PLAA: variants seen among roughly 807,000 people sequenced by gnomAD.
The protein encoded by PLAA is phospholipase A2 activating protein.
Under a neutral mutation model 84.1 loss-of-function variants are expected in PLAA, and 48 were observed. The ratio of observed to expected loss-of-function variants is 0.57; its 90% CI spans 0.45 to 0.73. The LOEUF (loss-of-function observed/expected upper bound fraction) is 0.73, where lower values mean the gene tolerates loss of function less well. Among genes scored for constraint, PLAA ranks in the 30% least tolerant of loss-of-function variants. PLAA has a pLI of 0.00. For synonymous variants in PLAA, 392 were observed against 336.6 expected (o/e 1.16, Z -1.80); for missense variants, 903 against 954.7 (o/e 0.95, Z 0.71).
intron 13 of PLAA, 87 bp downstream of exon 13, chr9:26,907,747 T>C: frequency 8.3e-7 from 1 of 1,209,172 alleles, no homozygotes; most frequent in Non-Finnish European, 1.2e-6. Context: ...TTAACTTTCA[T>C]TTAATCCACA....
intron 8 of PLAA, 47 bp downstream of exon 8, chr9:26,920,180 G>A: frequency 1.3e-6 from 2 of 1,509,714 alleles, no homozygotes; most frequent in Non-Finnish European, 1.8e-6. Flanking sequence ...CCTTTAATTT[G>A]CCTAATATTT....
intron 13 of PLAA, 177 bp downstream of exon 13, chr9:26,907,657 C>T (rs1461783992): frequency 5.5e-6 from 3 of 543,158 alleles, no homozygotes; most frequent in Admixed American, 4.0e-5. Context: ...AGGCATGTAA[C>T]GGAAACAAGA....
Position 26,945,280 on chromosome 9 carries a change from G to A in PLAA, c.149+1617C>T, listed in dbSNP as rs141803943. ...GTACAGTCCCAAAAGTTTAATGACA[G>A]GATTCCATTATTAAAACAGGCATCC... is the stretch of plus-strand genomic sequence containing the variant. On this transcript the variant is annotated intron_variant, in intron 1 of 13. Transcript: ENST00000397292. Among the ~76,000 whole-genome samples the A allele has an allele frequency of 3.1e-3, 475 of 152,278 alleles. 7 individuals carry two copies. The highest frequency in any genetic ancestry group is 0.028 in the Admixed American group (421 of 15,294).
At chr9:26,915,857 G>A (rs1441366445) in intron 10 of PLAA, 1 of 985,324 alleles carries the variant, frequency 1.0e-6, no homozygotes, top group South Asian at 4.7e-5. Context: ...CAGAAAAAAA[G>A]CCGCCAAAGT....
rs539628104 is a variant in PLAA, at chr9:26,912,350, G to A, written c.1555+1529C>T. ...TGACACCAGCCAGTATGGCTGGACA[G>A]AAGAAAGGCAATGAGGAATGTGGGG... On this transcript the variant is annotated intron_variant, in intron 11 of 13. Transcript: ENST00000397292. Among the ~76,000 whole-genome samples, 34 of 152,300 alleles carry A rather than the reference G, an allele frequency of 2.2e-4. No individual in the cohort carries two copies. In the Middle Eastern group the frequency reaches 0.02, roughly 91 times the overall value.
intron 5 of PLAA, 93 bp from the exon 6 acceptor site, chr9:26,926,053 CAG>C (rs1192884696): frequency 5.3e-6 from 5 of 951,050 alleles, no homozygotes; most frequent in Non-Finnish European, 7.8e-6. Context: ...TTTTGAAACC[CAG>C]AGACTTTCAA....
intron 2 of PLAA, among the ~76,000 whole-genome samples, chr9:26,933,141 G>A (rs1222969787): frequency 1.3e-5 from 2 of 152,052 alleles, no homozygotes; most frequent in African/African-American, 2.4e-5. Context: ...GGTGGCGCGC[G>A]CCTGTAGTCC....
Position 26,913,885 on chromosome 9 carries a change from A to G in PLAA, c.1549T>C (p.Phe517Leu), listed in dbSNP as rs1438160394. 2 of 1,607,678 alleles carry G rather than the reference A, an allele frequency of 1.2e-6. No homozygotes were observed. Among genetic ancestry groups the G allele is most frequent in the Non-Finnish European group, 8.5e-7 (1 of 1,174,698 alleles). The change falls in exon 11 of 14, where the codon TTT (phenylalanine) becomes CTT (leucine). Residue 517 changes from phenylalanine to leucine, a missense_variant. Transcript: ENST00000397292. ...MGTTMAGVDP[F>L]TGNSAYRSAA... ...AGAAATAAAAAGTATGTACCTGTAA[A>G]TGGATCAACTCCGGCCATGGTAGTT...
chr9:26,940,808 T>G (rs147737314), intron 1 of PLAA, among the ~76,000 whole-genome samples: 1 of 152,220 alleles, frequency 6.6e-6, no homozygotes, highest in Non-Finnish European at 1.5e-5. Flanking sequence ...CAAAGAAAGA[T>G]ACCTGGTAGT....
Position 26,908,047 on chromosome 9 carries a change from G to C in PLAA, c.1658-49C>G, listed in dbSNP as rs752446743. ...AAAATTCTCTAACTGTAATTGGCCAGATAATATATAAATGCCAAGACTTTC... is the reference window on the plus strand; with the variant it reads ...AAAATTCTCTAACTGTAATTGGCCACATAATATATAAATGCCAAGACTTTC... On this transcript the variant is annotated intron_variant, in intron 12 of 13. Coordinates refer to ENST00000397292, the MANE Select transcript of PLAA (RefSeq NM_001031689.3). 3.6e-6 allele frequency: 5 copies of C among 1,407,404 alleles called. No individual in the cohort carries two copies. In the East Asian group the frequency reaches 9.2e-5, roughly 26 times the overall value. 87.2% of individuals were successfully genotyped at this position (1,407,404 alleles called of 1,614,324 possible). A position where few individuals can be genotyped will look rare whatever the true frequency, so the allele number is the denominator to read the frequency against.
chr9:26,910,618 TATA>T (rs569924358), intron 11 of PLAA, among the ~76,000 whole-genome samples, 179 bp from the exon 12 acceptor site: 1 of 140,818 alleles, frequency 7.1e-6, no homozygotes, highest in South Asian at 2.1e-4. Flanking sequence ...TATTTATTGA[TATA>T]ATATTTTTTG....
chr9:26,919,991 T>G (rs1446520815), intron 8 of PLAA, among the ~76,000 whole-genome samples: 1 of 152,194 alleles, frequency 6.6e-6, no homozygotes, highest in African/African-American at 2.4e-5. Flanking sequence ...AGCTTTTGTA[T>G]AGAAACTACT....
chr9:26,944,012 T>C (rs1825616504), intron 1 of PLAA, among the ~76,000 whole-genome samples: 2 of 152,172 alleles, frequency 1.3e-5, no homozygotes, highest in South Asian at 2.1e-4. Context: ...CCAAAGTTCA[T>C]GTGCTGGAAA....
chr9:26,916,254 G>A (rs1824555240), intron 10 of PLAA: 4 of 985,182 alleles, frequency 4.1e-6, no homozygotes, highest in Non-Finnish European at 2.4e-6. Context: ...AAGGCCAGTG[G>A]ATACCTAAAC....
intron 7 of PLAA, 134 bp from the exon 8 acceptor site, chr9:26,920,518 A>G (rs1824726576): frequency 1.8e-6 from 1 of 542,672 alleles, no homozygotes; most frequent in Admixed American, 3.4e-5. Flanking sequence ...AATTGTATCA[A>G]ATAAAAGATT....
intron 7 of PLAA, among the ~76,000 whole-genome samples, chr9:26,921,389 T>C (rs1824753882): frequency 1.3e-5 from 2 of 152,264 alleles, no homozygotes; most frequent in Non-Finnish European, 2.9e-5. Context: ...TCACATGATG[T>C]CACATTACTG....
intron 1 of PLAA, among the ~76,000 whole-genome samples, chr9:26,937,350 G>C (rs1825392591): frequency 1.3e-5 from 2 of 151,998 alleles, no homozygotes. Flanking sequence ...TTGAAACAAA[G>C]ACACCCTTCA....
chr9:26,913,995 A>C (rs560316086), intron 10 of PLAA, 48 bp from the exon 11 acceptor site: 1 of 1,354,044 alleles, frequency 7.4e-7, no homozygotes, highest in East Asian at 2.3e-5. Flanking sequence ...TGTAAATTAT[A>C]AAGTTCAAAC....
chr9:26,928,965 A>G (rs1825076430), intron 2 of PLAA, among the ~76,000 whole-genome samples: 1 of 152,354 alleles, frequency 6.6e-6, no homozygotes, highest in East Asian at 1.9e-4. Context: ...TGGGAGGCCA[A>G]GGCAGGCGGA....
Sources: allele counts gnomAD v4.1 joint callset (sites outside exome capture counted in the v4.1 genomes callset), GRCh38; gene constraint gnomAD v4.1.1; transcripts MANE v1.5; gene names NCBI Gene and HGNC (gene_info 2026-07-23, HGNC 2026-07-21).